MYO15B: variants seen among roughly 807,000 people sequenced by gnomAD.
The protein encoded by MYO15B is myosin XVB pseudogene.
Under a neutral mutation model 119.3 loss-of-function variants are expected in MYO15B, and 207 were observed. That is an observed-to-expected ratio of 1.73 (90% confidence interval 1.55 to 1.95). The LOEUF (loss-of-function observed/expected upper bound fraction) is 1.95. Among genes scored for constraint, MYO15B ranks in the 30% most tolerant of loss-of-function variants. The probability of loss-of-function intolerance (pLI) is 0.00; values close to 1 mark genes in which losing one functional copy is unlikely to be tolerated. For synonymous variants in MYO15B, 966 were observed against 498.9 expected, an observed-to-expected ratio of 1.94 and a Z score of -12.48; for missense variants, 2,264 against 1,203.1, an observed-to-expected ratio of 1.88 and a Z score of -13.04.
chr17:75,606,790 G>A (rs1046344289), intron 21 of MYO15B: 5 of 388,666 alleles, frequency 1.3e-5, no homozygotes, highest in South Asian at 1.4e-4. Flanking sequence ...TCTTTTCAAA[G>A]CATGAATCAT....
chr17:75,600,263 G>A (rs1221824548), intron 14 of MYO15B, among the ~76,000 whole-genome samples: 4 of 151,806 alleles, frequency 2.6e-5, no homozygotes, highest in South Asian at 2.1e-4. Context: ...TCCTGACCTC[G>A]TGATCCACCT....
At position 75,591,489 on chromosome 17, in the gene MYO15B, G is replaced by A. The variant is rs1373867377; in HGVS notation, c.2436-112G>A. On this transcript the variant is annotated intron_variant, in intron 4 of 63. Coordinates refer to ENST00000645453, the Ensembl canonical transcript of MYO15B. ...TGGGACTATCTTTCCACATTTATGG[G>A]GGTCTCTCCAGGCTAGCTGTCACTT... The A allele has an allele frequency of 1.2e-5, 8 of 663,156 alleles. No individual in the cohort carries two copies. The Admixed American group carries it at 1.5e-4, about 13-fold the overall frequency. The allele number at this position is 663,156 out of a possible 1,614,324, so 41.1% of individuals were successfully genotyped here.
intron 60 of MYO15B, 77 bp downstream of exon 60, chr17:75,625,315 G>C: frequency 1.5e-6 from 1 of 645,506 alleles, no homozygotes; most frequent in Non-Finnish European, 2.8e-6. Flanking sequence ...ACCCTTCCTG[G>C]CCCTAAATGG....
chr17:75,626,134 T>C (rs1482713044), exon 63 of MYO15B: 1 of 703,076 alleles, frequency 1.4e-6, no homozygotes, highest in Admixed American at 2.0e-5. Context: ...CGGCTCCACC[T>C]GCTAAGCCCT....
intron 14 of MYO15B, chr17:75,600,523 CT>C (rs2057195715): frequency 6.6e-6 from 1 of 151,546 alleles, no homozygotes; most frequent in Non-Finnish European, 1.5e-5. Flanking sequence ...TCATAGCTTA[CT>C]GCAGCCTCAA....
intron 14 of MYO15B, among the ~76,000 whole-genome samples, chr17:75,599,837 G>A (rs1330292131): frequency 6.7e-6 from 1 of 150,372 alleles, no homozygotes; most frequent in Non-Finnish European, 1.5e-5. Context: ...GGAGGTTGCA[G>A]TGAGCCGAGA....
At chr17:75,603,142 A>G (rs2057394143) in intron 18 of MYO15B, 46 bp from the exon 19 acceptor site, 1 of 702,894 alleles carries the variant, frequency 1.4e-6, no homozygotes, top group African/African-American at 1.7e-5. Context: ...CCACAGCTCT[A>G]GGCCCCTTGA....
chr17:75,606,152 G>A (rs560516475), intron 21 of MYO15B, 131 bp downstream of exon 21: 12 of 578,498 alleles, frequency 2.1e-5, no homozygotes, highest in Middle Eastern at 4.6e-4. Context: ...CCATCTCATC[G>A]GCATGTGACT....
In MYO15B at chr17:75,589,487, G is replaced by A; in HGVS notation, c.1430G>A (p.Gly477Asp). 2.5e-6 allele frequency: 1 copy of A among 395,884 alleles called. No individual in the cohort carries two copies. The highest frequency in any genetic ancestry group is 4.4e-6 in the Non-Finnish European group (1 of 224,754). The allele number at this position is 395,884 out of a possible 1,614,324, so 24.5% of individuals were successfully genotyped here. ...CGGGGTCACGAGAGAGGTGACGAGG[G>A]CCGGGACCACCAGAGAGGGTACGAG... Residue 477 changes from glycine (G) to aspartate (D), a missense_variant, in exon 1 of 64, where the codon GGC becomes GAC. Coordinates refer to ENST00000645453, the Ensembl canonical transcript of MYO15B. The surrounding 1 kb of genome is among the most constrained non-coding windows in gnomAD (Gnocchi z 4.2).
chr17:75,591,045 G>A (rs1035551979), intron 3 of MYO15B, 29 bp downstream of exon 3: 2 of 657,676 alleles, frequency 3.0e-6, no homozygotes, highest in Non-Finnish European at 5.5e-6. Context: ...CTGACCCTCT[G>A]CTCACCTCCC....
chr17:75,619,119 G>C, intron 43 of MYO15B, 24 bp from the exon 44 acceptor site: 1 of 702,802 alleles, frequency 1.4e-6, no homozygotes, highest in South Asian at 1.5e-5. Context: ...GGACCTGGTG[G>C]TGACCACCTC....
At chr17:75,615,990 C>T (rs2058348891) in intron 36 of MYO15B, 79 bp from the exon 37 acceptor site, 2 of 593,694 alleles carry the variant, frequency 3.4e-6, no homozygotes, top group South Asian at 2.0e-5. Flanking sequence ...GGCTGCTGGC[C>T]CAGGACTGGG....
At chr17:75,624,240 C>A (rs1205730610) in exon 56 of MYO15B, 6 of 702,804 alleles carry the variant, frequency 8.5e-6, no homozygotes, top group African/African-American at 1.7e-5. Context: ...CCGGCGGATG[C>A]CCCCACCGGG....
intron 29 of MYO15B, 156 bp from the exon 30 acceptor site, chr17:75,614,043 G>C: frequency 3.3e-6 from 2 of 607,008 alleles, no homozygotes; most frequent in South Asian, 1.9e-5. Flanking sequence ...GGTGAGGAGG[G>C]GAGCAGCCCC....
At position 75,601,574 on chromosome 17, in the gene MYO15B, T is replaced by C; in HGVS notation, c.3651+11T>C. ...ACTGTCACCTACCAGGTACCTGGCC[T>C]CAGGGACAGACCAGGGTGAATCAGC... On this transcript the variant is annotated intron_variant, in intron 15 of 63. Transcript: ENST00000645453. 1.4e-6 allele frequency: 1 copy of C among 702,878 alleles called. No homozygotes were observed. The allele number at this position is 702,878 out of a possible 1,614,324, so 43.5% of individuals were successfully genotyped here. A position where few individuals can be genotyped will look rare whatever the true frequency, so the allele number is the denominator to read the frequency against.
chr17:75,603,321 C>G lies in MYO15B; in HGVS notation c.4016+9C>G. ...GAGGCCTTCCTGGCCAGGTGGGGCC[C>G]AGCACCTCGGGGCAGGACTGACAAG... On this transcript the variant is annotated intron_variant, in intron 19 of 63. Coordinates refer to ENST00000645453, the Ensembl canonical transcript of MYO15B. 2.8e-6 allele frequency: 2 copies of G among 702,916 alleles called. No individual in the cohort carries two copies. The highest frequency in any genetic ancestry group is 5.2e-6 in the Non-Finnish European group (2 of 384,960). 43.5% of individuals were successfully genotyped at this position (702,916 alleles called of 1,614,324 possible).
rs2058628144 is a variant in MYO15B, at chr17:75,620,227, C to G, written c.7444-19C>G. On this transcript the variant is annotated intron_variant, in intron 47 of 63. Coordinates refer to ENST00000645453, the Ensembl canonical transcript of MYO15B. ...ACAGGCAGACTTGCTGCTCCAGGCCCTCGCCTGCTTGCCCACAGGACTCCG... is the reference window on the plus strand; with the variant it reads ...ACAGGCAGACTTGCTGCTCCAGGCCGTCGCCTGCTTGCCCACAGGACTCCG... 3 of 702,488 alleles carry G rather than the reference C, an allele frequency of 4.3e-6. No homozygotes were observed. The East Asian group carries it at 8.1e-5, about 19-fold the overall frequency. 43.5% of individuals were successfully genotyped at this position (702,488 alleles called of 1,614,324 possible).
chr17:75,592,247 C>T (rs913337218), exon 7 of MYO15B: 13 of 702,714 alleles, frequency 1.8e-5, no homozygotes, highest in East Asian at 1.1e-4. Context: ...GAGGGGTCAT[C>T]GTGGGAGCCT....
chr17:75,595,898 C>T (rs2056827091), intron 12 of MYO15B, among the ~76,000 whole-genome samples: 1 of 152,208 alleles, frequency 6.6e-6, no homozygotes, highest in African/African-American at 2.4e-5. Flanking sequence ...CCCTCAGTCC[C>T]TGGACGGGCA....
Sources: allele counts gnomAD v4.1 joint callset (sites outside exome capture counted in the v4.1 genomes callset), GRCh38; gene constraint gnomAD v4.1.1; non-coding constraint Gnocchi (gnomAD v3.1); transcripts MANE v1.5; gene names NCBI Gene and HGNC (gene_info 2026-07-23, HGNC 2026-07-21).